Variants in HDAC9 observed in about 807,000 individuals in gnomAD.
HDAC9 encodes MEF-2 interacting transcription repressor (MITR) protein.
Under a neutral mutation model 139.4 loss-of-function variants are expected in HDAC9, and 41 were observed. That is an observed-to-expected ratio of 0.29 (90% CI 0.23 to 0.38). HDAC9 has a LOEUF of 0.38. Among genes scored for constraint, HDAC9 ranks in the 10% least tolerant of loss-of-function variants. HDAC9 has a pLI of 1.00. For missense variants in HDAC9, 1,147 were observed against 1,297.0 expected, an observed-to-expected ratio of 0.88 and a Z score of 1.78; for synonymous variants, 517 against 476.2, an observed-to-expected ratio of 1.09 and a Z score of -1.12.
At chr7:18,710,455 C>A (rs930203778) in intron 12 of HDAC9, among the ~76,000 whole-genome samples, 2 of 152,140 alleles carry the variant, frequency 1.3e-5, no homozygotes, top group African/African-American at 4.8e-5. Flanking sequence ...CAATCATACA[C>A]ACATGCACAC....
chr7:18,207,990 A>G (rs1791661092), intron 2 of HDAC9, among the ~76,000 whole-genome samples: 1 of 152,178 alleles, frequency 6.6e-6, no homozygotes, highest in African/African-American at 2.4e-5. Context: ...CTGGGATTAC[A>G]GGTGTGAGCC....
chr7:18,155,564 C>A (rs1787126526), intron 1 of HDAC9, among the ~76,000 whole-genome samples: 1 of 152,268 alleles, frequency 6.6e-6, no homozygotes, highest in Non-Finnish European at 1.5e-5. Flanking sequence ...ATATGCATAA[C>A]TAACCTCCCA....
At chr7:18,451,395 GTGTGTGTATATA>G (rs1157592165) in intron 1 of HDAC9, among the ~76,000 whole-genome samples, 3 of 134,362 alleles carry the variant, frequency 2.2e-5, no homozygotes, top group Non-Finnish European at 4.9e-5. Context: ...GTGTGTGTGT[GTGTGTGTATATA>G]TGTGTGTGTG....
Position 18,209,883 on chromosome 7 carries a change from G to T in HDAC9, c.25+47534G>T, listed in dbSNP as rs989185278. On this transcript the variant is annotated intron_variant, in intron 2 of 12. Coordinates refer to the HDAC9 transcript ENST00000417496. ...GCCTGGCTAATTTTTTGTATTTTTA[G>T]TAGAGATGGGGTTTCACCATGTTAG... 2.0e-5 allele frequency among the ~76,000 whole-genome samples: 3 copies of T among 152,028 alleles called. No homozygotes were observed. In the East Asian group the frequency reaches 5.8e-4, roughly 29 times the overall value.
chr7:18,286,066 T>TA (rs1378918755), upstream of HDAC9, among the ~76,000 whole-genome samples: 1 of 151,894 alleles, frequency 6.6e-6, no homozygotes, highest in Non-Finnish European at 1.5e-5. Flanking sequence ...AATTGAAAGA[T>TA]ACAATTGAAA....
intron 2 of HDAC9, among the ~76,000 whole-genome samples, chr7:18,544,766 A>C (rs978914753): frequency 4.7e-4 from 72 of 152,356 alleles, no homozygotes; most frequent in African/African-American, 1.6e-3. Flanking sequence ...GGTCAAATAC[A>C]TAAAGAATTT....
intron 1 of HDAC9, among the ~76,000 whole-genome samples, chr7:18,353,353 A>C (rs887105760): frequency 2.6e-5 from 4 of 152,114 alleles, no homozygotes; most frequent in Non-Finnish European, 5.9e-5. Flanking sequence ...TCATAACTCC[A>C]TGTGTCACAA....
At chr7:18,154,791 T>A (rs1950040) in intron 1 of HDAC9, among the ~76,000 whole-genome samples, 63,294 of 152,132 alleles carry the variant, frequency 0.42, 14,739 homozygotes, top group African/African-American at 0.63. Flanking sequence ...ATATCACTCT[T>A]AATTACAATG....
intron 16 of HDAC9, among the ~76,000 whole-genome samples, chr7:18,776,544 G>C (rs147862031): frequency 6.6e-6 from 1 of 152,070 alleles, no homozygotes; most frequent in African/African-American, 2.4e-5. Context: ...TTATATTCCA[G>C]TTGAGGAGAC....
intron 22 of HDAC9, among the ~76,000 whole-genome samples, chr7:18,904,115 T>C (rs1033058964): frequency 2.6e-5 from 4 of 152,236 alleles, no homozygotes; most frequent in Non-Finnish European, 5.9e-5. Context: ...ATTCCTTGGA[T>C]TAAAAATATG....
chr7:18,463,434 A>G (rs538161797), intron 1 of HDAC9, among the ~76,000 whole-genome samples: 5 of 152,042 alleles, frequency 3.3e-5, no homozygotes, highest in African/African-American at 7.2e-5. Flanking sequence ...TGACTATTCA[A>G]ATACTCTATT....
At chr7:18,283,487 G>A (rs1054074044) in intron 2 of HDAC9, among the ~76,000 whole-genome samples, 7 of 152,294 alleles carry the variant, frequency 4.6e-5, no homozygotes, top group African/African-American at 1.7e-4. Flanking sequence ...TATTTTAAAT[G>A]TAGTGGAATA....
At chr7:18,160,312 G>T (rs1162610368) in intron 1 of HDAC9, among the ~76,000 whole-genome samples, 1 of 152,156 alleles carries the variant, frequency 6.6e-6, no homozygotes, top group African/African-American at 2.4e-5. Flanking sequence ...AATGTATCAA[G>T]AGCATTTACA....
At chr7:18,229,322 T>A (rs1466806341) in intron 2 of HDAC9, among the ~76,000 whole-genome samples, 1 of 152,242 alleles carries the variant, frequency 6.6e-6, no homozygotes, top group African/African-American at 2.4e-5. Flanking sequence ...CTCATTAGAT[T>A]CTAAGCTGCA....
At chr7:18,280,421 C>T (rs1797025933) in intron 2 of HDAC9, among the ~76,000 whole-genome samples, 1 of 152,056 alleles carries the variant, frequency 6.6e-6, no homozygotes, top group Admixed American at 6.6e-5. Flanking sequence ...AACCCCATCT[C>T]TACTAAAAAT....
intron 21 of HDAC9, among the ~76,000 whole-genome samples, chr7:18,859,712 T>G (rs1797945688): frequency 6.7e-6 from 1 of 150,332 alleles, no homozygotes. Context: ...CACAGAACAT[T>G]TACTTACAGT....
rs563140192 is a variant in HDAC9 at position 18,531,077 on chromosome 7, A to G, written c.22+34753A>G. ...GCTTTATTCACTTTCAGCATTGTCT[A>G]TTGACTTAATGCATGGTAATAAGAA... On this transcript the variant is annotated intron_variant, in intron 2 of 25. Transcript: ENST00000686413. 1.3e-3 allele frequency among the ~76,000 whole-genome samples: 200 copies of G among 151,980 alleles called. 1 individual carries two copies. Among genetic ancestry groups the G allele is most frequent in the Non-Finnish European group, 2.2e-3 (150 of 67,974 alleles).
intron 2 of HDAC9, among the ~76,000 whole-genome samples, chr7:18,192,749 G>C (rs1046417134): frequency 2.0e-5 from 3 of 152,098 alleles, no homozygotes; most frequent in African/African-American, 7.2e-5. Context: ...AATAGAATAG[G>C]CTAAAATACA....
chr7:18,246,514 A>G (rs965262300), intron 2 of HDAC9, among the ~76,000 whole-genome samples: 1 of 151,944 alleles, frequency 6.6e-6, no homozygotes, highest in Admixed American at 6.6e-5. Context: ...TCACCCCCCC[A>G]TTCCCACCTT....
Sources: gnomAD v4.1 joint callset for allele counts (sites outside exome capture counted in the v4.1 genomes callset) on GRCh38, gnomAD v4.1.1 for gene constraint, MANE v1.5 for transcripts, NCBI Gene and HGNC (gene_info 2026-07-23, HGNC 2026-07-21) for gene names.